The following ASTN1 variants were observed in gnomAD, a reference collection of about 807,000 sequenced individuals.
ASTN1 encodes astrotactin 1, also known as astrotactin-1.
A neutral mutation model predicts 140.7 loss-of-function variants in ASTN1; 41 were observed. The ratio of observed to expected loss-of-function variants is 0.29; its 90% confidence interval spans 0.23 to 0.38. The LOEUF is 0.38. ASTN1 is among the 10% of genes least tolerant of loss of function. ASTN1 has a pLI of 1.00. For missense variants in ASTN1, 1,479 were observed against 1,678.8 expected, an observed-to-expected ratio of 0.88 and a Z score of 2.08; for synonymous variants, 640 against 652.2, an observed-to-expected ratio of 0.98 and a Z score of 0.29.
intron 1 of ASTN1, among the ~76,000 whole-genome samples, chr1:177,137,380 C>A (rs1333011897): frequency 6.6e-6 from 1 of 151,990 alleles, no homozygotes; most frequent in African/African-American, 2.4e-5. Context: ...ACATTATTAA[C>A]TAAGATGAAA....
chr1:177,014,696 T>C (rs543245044), intron 8 of ASTN1, 95 bp downstream of exon 8: 1 of 1,169,298 alleles, frequency 8.6e-7, no homozygotes, highest in East Asian at 2.4e-5. Context: ...AGCCACCCTT[T>C]AGCTCTATTC....
chr1:177,041,597 G>A (rs148363772), intron 2 of ASTN1, among the ~76,000 whole-genome samples: 1 of 152,284 alleles, frequency 6.6e-6, no homozygotes, highest in East Asian at 1.9e-4. Context: ...TCTGGGCCAC[G>A]TTCCTTTCCT....
At chr1:177,029,875 G>C in intron 4 of ASTN1, 134 bp from the exon 5 acceptor site, 2 of 822,724 alleles carry the variant, frequency 2.4e-6, no homozygotes, top group Non-Finnish European at 3.8e-6. Flanking sequence ...AAATAGCCAA[G>C]GGGGTTGGGG....
intron 8 of ASTN1, among the ~76,000 whole-genome samples, chr1:176,996,559 C>T (rs1391393659): frequency 6.6e-6 from 1 of 152,080 alleles, no homozygotes; most frequent in Non-Finnish European, 1.5e-5. Context: ...AGAGGTTTTG[C>T]GATAGCATCA....
chr1:176,884,319 A>T lies in ASTN1; in HGVS notation c.3226+20T>A. 6.2e-7 allele frequency: 1 copy of T among 1,608,244 alleles called. No individual in the cohort carries two copies. Among genetic ancestry groups the T allele is most frequent in the Non-Finnish European group, 8.5e-7 (1 of 1,174,980 alleles). On this transcript the variant is annotated intron_variant, in intron 19 of 22. Transcript: ENST00000361833. ...TATCACCTTGGATCAAGACAAGCCC[A>T]TGAAGTAGAAGGTGCTCACCTGTCT...
At chr1:177,132,252 C>T (rs1242716181) in intron 1 of ASTN1, among the ~76,000 whole-genome samples, 2 of 152,200 alleles carry the variant, frequency 1.3e-5, no homozygotes, top group African/African-American at 2.4e-5. Flanking sequence ...CAATTCCTTT[C>T]TCCTGAGTAG....
chr1:176,956,531 A>G (rs1025070626), intron 11 of ASTN1, among the ~76,000 whole-genome samples: 2 of 152,218 alleles, frequency 1.3e-5, no homozygotes, highest in African/African-American at 2.4e-5. Context: ...CAGACTGGAA[A>G]GAGAGATGGG....
chr1:176,942,338 G>A (rs1671752635), intron 14 of ASTN1, among the ~76,000 whole-genome samples: 1 of 152,148 alleles, frequency 6.6e-6, no homozygotes, highest in Non-Finnish European at 1.5e-5. Flanking sequence ...CCAGTGAGGA[G>A]CTAAGCCCTG....
intron 1 of ASTN1, among the ~76,000 whole-genome samples, chr1:177,068,690 C>T (rs1278157655): frequency 6.6e-6 from 1 of 152,100 alleles, no homozygotes; most frequent in Non-Finnish European, 1.5e-5. Flanking sequence ...ACACTTGGCT[C>T]TAGTTAGGCC....
chr1:177,149,433 AAT>A (rs1343481429), intron 1 of ASTN1, among the ~76,000 whole-genome samples: 11 of 65,638 alleles, frequency 1.7e-4, no homozygotes, highest in East Asian at 1.6e-3. Flanking sequence ...ATATATAGTA[AAT>A]ATATATATAG....
intron 8 of ASTN1, among the ~76,000 whole-genome samples, chr1:176,981,990 C>T (rs1004089793): frequency 4.6e-5 from 7 of 152,026 alleles, no homozygotes; most frequent in African/African-American, 1.4e-4. Flanking sequence ...AAAAGGCTTG[C>T]GAAGTCAACA....
At chr1:177,008,771 A>C (rs189242026) in intron 8 of ASTN1, among the ~76,000 whole-genome samples, 20 of 152,300 alleles carry the variant, frequency 1.3e-4, no homozygotes, top group African/African-American at 4.8e-4. Flanking sequence ...GCTAATGGGA[A>C]GATAATCCCA....
intron 16 of ASTN1, among the ~76,000 whole-genome samples, chr1:176,903,629 C>T (rs1669862713): frequency 2.6e-5 from 4 of 152,122 alleles, no homozygotes; most frequent in Non-Finnish European, 5.9e-5. Flanking sequence ...TTTCATTTGC[C>T]TCCTACACTC....
chr1:177,144,128 T>G (rs1682596013), intron 1 of ASTN1, among the ~76,000 whole-genome samples: 1 of 151,112 alleles, frequency 6.6e-6, no homozygotes, highest in Admixed American at 6.6e-5. Context: ...TGTGCGGATG[T>G]CATAAGAGAT....
chr1:176,972,364 T>C (rs1052817937), intron 8 of ASTN1, among the ~76,000 whole-genome samples: 5 of 152,230 alleles, frequency 3.3e-5, no homozygotes, highest in African/African-American at 1.2e-4. Flanking sequence ...GGTGGCCAGC[T>C]GCAGTCATTT....
intron 12 of ASTN1, 50 bp from the exon 13 acceptor site, chr1:176,946,170 T>A (rs375578577): frequency 6.9e-7 from 1 of 1,449,926 alleles, no homozygotes; most frequent in Non-Finnish European, 9.3e-7. Context: ...CAATGACCCA[T>A]GCAGGCAAGT....
chr1:177,067,410 C>T (rs1270539630), intron 1 of ASTN1, among the ~76,000 whole-genome samples: 1 of 152,104 alleles, frequency 6.6e-6, no homozygotes, highest in Non-Finnish European at 1.5e-5. Flanking sequence ...ACAAATGGGT[C>T]TTGTCTATCA....
intron 22 of ASTN1, 116 bp downstream of exon 22, chr1:176,868,728 C>A: frequency 8.6e-7 from 1 of 1,161,864 alleles, no homozygotes; most frequent in African/African-American, 1.5e-5. Context: ...ACTGACTTCT[C>A]TGATTGCCTA....
chr1:177,022,811 A>G (rs1019238192), intron 7 of ASTN1, among the ~76,000 whole-genome samples: 2 of 152,344 alleles, frequency 1.3e-5, no homozygotes, highest in South Asian at 2.1e-4. Flanking sequence ...ATACAACGGA[A>G]TACCAAATGG....
Sources: gnomAD v4.1 joint callset for allele counts (sites outside exome capture counted in the v4.1 genomes callset) on GRCh38, gnomAD v4.1.1 for gene constraint, MANE v1.5 for transcripts, NCBI Gene and HGNC (gene_info 2026-07-23, HGNC 2026-07-21) for gene names.